ITGAL: variants seen among roughly 807,000 people sequenced by gnomAD.
The protein encoded by ITGAL is integrin subunit alpha L.
ITGAL carries 68 observed loss-of-function variants against 138.4 expected under a neutral mutation model. The ratio of observed to expected loss-of-function variants is 0.49; its 90% CI spans 0.40 to 0.60. The LOEUF is 0.60. ITGAL is among the 20% of genes least tolerant of loss of function. ITGAL has a pLI of 0.00. For missense variants in ITGAL, 1,256 were observed against 1,478.6 expected (o/e 0.85, Z 2.47); for synonymous variants, 561 against 584.3 (o/e 0.96, Z 0.57).
intron 17 of ITGAL, among the ~76,000 whole-genome samples, chr16:30,500,816 C>G (rs1365913983): frequency 6.6e-6 from 1 of 152,108 alleles, no homozygotes; most frequent in Non-Finnish European, 1.5e-5. Context: ...ACCAGCCTGG[C>G]CAACATGGTG....
chr16:30,506,823 G>C lies in ITGAL; in HGVS notation c.2475G>C (p.Pro825=), dbSNP rs756517516. The C allele has an allele frequency of 3.7e-6, 6 of 1,613,884 alleles. No homozygotes were observed. Among genetic ancestry groups the C allele is most frequent in the East Asian group, 4.5e-5 (2 of 44,860 alleles). The change falls in exon 21 of 31, where the codon CCG becomes CCC. Residue 825 remains proline (P), a synonymous_variant. Transcript: ENST00000356798. ...TCCAGCTGGACCTGCACTTCCCCCC[G>C]GGACTCTCCTTCCGCAAGGTGGAGA... is the stretch of plus-strand genomic sequence containing the variant. ...YWVQLDLHFP[P]GLSFRKVEML...
Position 30,496,439 on chromosome 16 carries a change from A to G in ITGAL, c.1705A>G (p.Ile569Val). Residue 569 changes from isoleucine (I) to valine (V), a missense_variant, in exon 15 of 31, where the codon ATA (isoleucine) becomes GTA (valine). Coordinates refer to ENST00000356798, the MANE Select transcript of ITGAL (RefSeq NM_002209.3). Reference protein sequence around the residue: ...GGLSPQPSQRIEGTQVLSGIQ... With the variant: ...GGLSPQPSQRVEGTQVLSGIQ... ...GCAATTTCTTTCTTGCTCTCAGCGG[A>G]TAGAAGGGACCCAAGTGCTCTCAGG... The G allele has an allele frequency of 6.2e-7, 1 of 1,613,778 alleles. No homozygotes were observed. Among genetic ancestry groups the G allele is most frequent in the Middle Eastern group, 1.6e-4 (1 of 6,062 alleles).
At chr16:30,519,158 G>C (rs1363607484) in intron 29 of ITGAL, among the ~76,000 whole-genome samples, 1 of 152,124 alleles carries the variant, frequency 6.6e-6, no homozygotes, top group Non-Finnish European at 1.5e-5. Context: ...GGGAGGCAGA[G>C]GTGGCAGTGA....
Position 30,489,123 on chromosome 16 carries a change from T to C in ITGAL, c.1048T>C (p.Ser350Pro). Residue 350 changes from serine (S) to proline (P), a missense_variant, in exon 10 of 31, where the codon TCC becomes CCC. Physicochemically the swap from Ser to Pro is moderately conservative, Grantham distance 74. Coordinates refer to ENST00000356798, the MANE Select transcript of ITGAL (RefSeq NM_002209.3). The part of the protein sequence containing the change: ...QDLTSFNMEL[S>P]SSGISADLSR... ...CCTGACTTCCTTCAACATGGAGCTG[T>C]CCTCCAGCGGCATCAGTGCTGACCT... The C allele has an allele frequency of 6.2e-7, 1 of 1,614,030 alleles. No homozygotes were observed. Among genetic ancestry groups the C allele is most frequent in the South Asian group, 1.1e-5 (1 of 91,074 alleles).
At chr16:30,503,327 A>C (rs2050933392) in intron 17 of ITGAL, among the ~76,000 whole-genome samples, 1 of 152,116 alleles carries the variant, frequency 6.6e-6, no homozygotes, top group Non-Finnish European at 1.5e-5. Context: ...AAAAGAAAGC[A>C]GTGTGACATG....
intron 21 of ITGAL, among the ~76,000 whole-genome samples, chr16:30,507,063 C>G (rs531810025): frequency 1.4e-3 from 214 of 152,346 alleles, no homozygotes; most frequent in Middle Eastern, 6.8e-3. Context: ...TGGCTCACAA[C>G]TGTAATCCCA....
intron 2 of ITGAL, 80 bp from the exon 3 acceptor site, chr16:30,475,226 G>A: frequency 4.0e-6 from 4 of 1,001,894 alleles, no homozygotes; most frequent in Non-Finnish European, 3.1e-6. Flanking sequence ...TGAGACAGGA[G>A]ATCTGAACCT....
chr16:30,505,463 G>C lies in ITGAL; in HGVS notation c.2366+1G>C, dbSNP rs768943900. ...TGAGAGTGTCCTTCTCTCCTGCAAG[G>C]TCAGTAAGGCCTCCCACCCTCCAGC... On this transcript the variant is annotated splice_donor_variant, in intron 20 of 30. Transcript: ENST00000356798. LOFTEE classifies it high-confidence loss of function. The C allele has an allele frequency of 6.2e-7, 1 of 1,612,486 alleles. No homozygotes were observed. Among genetic ancestry groups the C allele is most frequent in the South Asian group, 1.1e-5 (1 of 91,036 alleles).
intron 21 of ITGAL, 66 bp downstream of exon 21, chr16:30,506,922 CCCAGG>C: frequency 6.3e-7 from 1 of 1,580,918 alleles, no homozygotes; most frequent in Non-Finnish European, 8.6e-7. Context: ...TTCTTTGAGC[CCCAGG>C]CAGCCAGGAC....
intron 24 of ITGAL, among the ~76,000 whole-genome samples, chr16:30,512,481 G>A (rs2051104114): frequency 6.6e-6 from 1 of 151,472 alleles, no homozygotes; most frequent in Non-Finnish European, 1.5e-5. Context: ...CAGCTACTCA[G>A]GAGGCTGAGG....
rs542198194 is a variant in ITGAL at position 30,497,110 on chromosome 16, C to T, written c.1832+544C>T. ...CTCTAATCCCAGCACTTCGGAAGTC[C>T]GAGGCGGGCGGATCACGAGGTCAGG... On this transcript the variant is annotated intron_variant, in intron 15 of 30. Transcript: ENST00000356798. Among the ~76,000 whole-genome samples, 17 of 152,114 alleles carry T rather than the reference C, an allele frequency of 1.1e-4. No homozygotes were observed. The South Asian group carries it at 1.2e-3, about 11-fold the overall frequency.
chr16:30,481,183 CCA>C lies in ITGAL; in HGVS notation c.577-245_577-244del, dbSNP rs1277804077. 2.1e-4 allele frequency: 76 copies of C among 355,392 alleles called. 1 individual carries two copies. The highest frequency in any genetic ancestry group is 7.7e-4 in the South Asian group (31 of 40,216). 22.0% of individuals were successfully genotyped at this position (355,392 alleles called of 1,614,324 possible). A position where few individuals can be genotyped will look rare whatever the true frequency, so the allele number is the denominator to read the frequency against. On this transcript the variant is annotated intron_variant, in intron 6 of 30. Transcript: ENST00000356798. ...ACACACACACACACACACACACACA[CCA>C]CACACACACAAATATTCGGGTGTGG... is the stretch of plus-strand genomic sequence containing the variant.
chr16:30,502,137 C>T (rs1486100139), intron 17 of ITGAL, among the ~76,000 whole-genome samples: 1 of 152,160 alleles, frequency 6.6e-6, no homozygotes, highest in Non-Finnish European at 1.5e-5. Flanking sequence ...GTGGCTCACG[C>T]CTCTAATCCC....
rs531274730 is a variant in ITGAL, at chr16:30,482,058, AT to A, written c.722+482del. Among the ~76,000 whole-genome samples, 18 of 151,344 alleles carry A rather than the reference AT, an allele frequency of 1.2e-4. No homozygotes were observed. In the South Asian group the frequency reaches 3.5e-3, roughly 30 times the overall value. ...AGACCTGTGCCACCACGCCTGGCTA[AT>A]TTTTTTTGTATTTTTAGTAGAGATA... On this transcript the variant is annotated intron_variant, in intron 7 of 30. Coordinates refer to ENST00000356798, the MANE Select transcript of ITGAL (RefSeq NM_002209.3).
At chr16:30,474,028 CG>C (rs1567459189) in intron 1 of ITGAL, 167 bp from the exon 2 acceptor site, 2 of 697,822 alleles carry the variant, frequency 2.9e-6, no homozygotes, top group Non-Finnish European at 5.2e-6. Context: ...CTAGGGGGGC[CG>C]GGAGTTGCTC....
chr16:30,506,480 A>C (rs1360984998), intron 20 of ITGAL, among the ~76,000 whole-genome samples: 1 of 141,824 alleles, frequency 7.1e-6, no homozygotes, highest in Non-Finnish European at 1.5e-5. Flanking sequence ...AATGGCGTGA[A>C]CCCGGGAGGC....
intron 19 of ITGAL, 44 bp downstream of exon 19, chr16:30,505,344 C>G (rs1391324372): frequency 3.7e-6 from 6 of 1,612,544 alleles, no homozygotes; most frequent in Non-Finnish European, 5.1e-6. Flanking sequence ...GGGAACAAGT[C>G]CCTCCTGATC....
intron 28 of ITGAL, among the ~76,000 whole-genome samples, 153 bp from the exon 29 acceptor site, chr16:30,518,471 G>T (rs979254664): frequency 1.1e-4 from 16 of 151,344 alleles, no homozygotes; most frequent in African/African-American, 3.2e-4. Context: ...AAAATAGAAA[G>T]AAAAGAATGC....
rs2051277977 is a variant in ITGAL at position 30,523,098 on chromosome 16, A to T, written c.*1433A>T. ...GGCCCCCACAGAAAGACTGAGCTCA[A>T]GGTGGGAACCACGTCTGCTAACTTG... On this transcript the variant is annotated 3_prime_UTR_variant, in exon 31 of 31. Transcript: ENST00000356798. 1 of 152,392 alleles carries T rather than the reference A, an allele frequency of 6.6e-6. No individual in the cohort carries two copies. Among genetic ancestry groups the T allele is most frequent in the South Asian group, 2.1e-4 (1 of 4,844 alleles). The allele number at this position is 152,392 out of a possible 1,614,324, so 9.4% of individuals were successfully genotyped here.
Sources: gnomAD v4.1 joint callset for allele counts (sites outside exome capture counted in the v4.1 genomes callset) on GRCh38, gnomAD v4.1.1 for gene constraint, MANE v1.5 for transcripts, NCBI Gene and HGNC (gene_info 2026-07-23, HGNC 2026-07-21) for gene names.